NR3C1: variants seen among roughly 807,000 people sequenced by gnomAD.
NR3C1 encodes the protein glucocorticoid receptor.
In NR3C1, 14 loss-of-function variants were observed where a neutral mutation model predicts 74.0. That is an observed-to-expected ratio of 0.19 (90% CI 0.12 to 0.30). NR3C1 has a LOEUF of 0.30. Ranked by LOEUF, NR3C1 falls within the 10% of genes least tolerant of loss-of-function variation. The pLI, the probability that NR3C1 is intolerant of heterozygous loss-of-function variation, is 1.00. For synonymous variants in NR3C1, 308 were observed against 332.5 expected (o/e 0.93, Z 0.80); for missense variants, 695 against 909.8 (o/e 0.76, Z 3.04).
chr5:143,407,607 AAATG>A (rs926193558), upstream of NR3C1, among the ~76,000 whole-genome samples: 4 of 152,368 alleles, frequency 2.6e-5, no homozygotes, highest in African/African-American at 9.6e-5. Flanking sequence ...GGTGTTGGTT[AAATG>A]AATGAATGAA....
At chr5:143,293,038 C>A (rs189578464) in intron 7 of NR3C1, among the ~76,000 whole-genome samples, 1 of 152,178 alleles carries the variant, frequency 6.6e-6, no homozygotes, top group Non-Finnish European at 1.5e-5. Context: ...CAATTGTATT[C>A]TTCTGCTTTT....
At chr5:143,395,130 C>G (rs1305999189) in intron 2 of NR3C1, among the ~76,000 whole-genome samples, 1 of 151,802 alleles carries the variant, frequency 6.6e-6, no homozygotes, top group Non-Finnish European at 1.5e-5. Context: ...CAAGTCACAC[C>G]CTAATCTAGT....
At chr5:143,340,441 C>T (rs1195210184) in intron 2 of NR3C1, among the ~76,000 whole-genome samples, 1 of 149,500 alleles carries the variant, frequency 6.7e-6, no homozygotes, top group Non-Finnish European at 1.5e-5. Context: ...TTGGCCCTGC[C>T]TTCTGGGGAA....
At chr5:143,406,323 C>A (rs950383255), upstream of NR3C1, among the ~76,000 whole-genome samples, 1 of 151,200 alleles carries the variant, frequency 6.6e-6, no homozygotes, top group African/African-American at 2.4e-5. Context: ...CCCAATTATT[C>A]TCCCTTCATT....
chr5:143,405,478 A>G (rs1033378190), upstream of NR3C1, among the ~76,000 whole-genome samples: 1 of 152,132 alleles, frequency 6.6e-6, no homozygotes, highest in East Asian at 1.9e-4. Context: ...ATCTTGGCAA[A>G]GGTTCGCGAT....
chr5:143,416,719 A>G (rs972019680), intron 1 of NR3C1, among the ~76,000 whole-genome samples: 6 of 152,198 alleles, frequency 3.9e-5, no homozygotes, highest in African/African-American at 1.4e-4. Context: ...GGTTAAGGTT[A>G]CCAGACATGG....
At chr5:143,392,338 A>G (rs1406644858) in intron 2 of NR3C1, among the ~76,000 whole-genome samples, 1 of 152,230 alleles carries the variant, frequency 6.6e-6, no homozygotes, top group Non-Finnish European at 1.5e-5. Context: ...ACTATTTTAC[A>G]GAAATTGAAA....
intron 4 of NR3C1, among the ~76,000 whole-genome samples, chr5:143,309,403 C>T (rs951963716): frequency 4.6e-5 from 7 of 152,124 alleles, no homozygotes; most frequent in African/African-American, 7.2e-5. Flanking sequence ...TGGAGTTGAA[C>T]GTTTCTTTTG....
At chr5:143,335,928 T>C (rs1214407725) in intron 2 of NR3C1, among the ~76,000 whole-genome samples, 1 of 152,214 alleles carries the variant, frequency 6.6e-6, no homozygotes, top group Non-Finnish European at 1.5e-5. Flanking sequence ...TGCCTCTCCT[T>C]ACCTGCTCCA....
At chr5:143,283,616 G>T (rs935434243) in intron 7 of NR3C1, among the ~76,000 whole-genome samples, 1 of 152,162 alleles carries the variant, frequency 6.6e-6, no homozygotes, top group Admixed American at 6.5e-5. Flanking sequence ...GTAGCTAATA[G>T]ATATGTCTTA....
chr5:143,385,007 G>A (rs576889266), intron 2 of NR3C1, among the ~76,000 whole-genome samples: 1 of 152,330 alleles, frequency 6.6e-6, no homozygotes, highest in African/African-American at 2.4e-5. Context: ...TGAAATCAAG[G>A]CAGAGGCTTT....
chr5:143,408,875 C>A (rs923292687), intron 1 of NR3C1: 1 of 152,186 alleles, frequency 6.6e-6, no homozygotes, highest in Non-Finnish European at 1.5e-5. Context: ...TGCCCCCACA[C>A]CAGTCTTTTA....
At chr5:143,290,843 T>G (rs1719440033) in intron 7 of NR3C1, among the ~76,000 whole-genome samples, 2 of 150,080 alleles carry the variant, frequency 1.3e-5, no homozygotes, top group Admixed American at 6.6e-5. Flanking sequence ...ATTATAGGTG[T>G]GAGCCACTAC....
Position 143,360,341 on chromosome 5 carries a change from TG to T in NR3C1, c.1184+39314del, listed in dbSNP as rs1831992582. Among the ~76,000 whole-genome samples, 3 of 152,258 alleles carry T rather than the reference TG, an allele frequency of 2.0e-5. No homozygotes were observed. The South Asian group carries it at 6.2e-4, about 31-fold the overall frequency. On this transcript the variant is annotated intron_variant, in intron 2 of 8. Coordinates refer to ENST00000394464, the MANE Select transcript of NR3C1 (RefSeq NM_000176.3). ...GTTTTAAACTATGTTTACATTTTTC[TG>T]TGACTTTCTGTGCTATCAAGCTTTT...
chr5:143,368,534 T>TACACACAC (rs201482184), intron 2 of NR3C1, among the ~76,000 whole-genome samples: 200 of 145,046 alleles, frequency 1.4e-3, no homozygotes, highest in Middle Eastern at 7.1e-3. Context: ...ATATTCTAGA[T>TACACACAC]ACACACACAC....
At chr5:143,422,640 G>A (rs1376258846) in intron 1 of NR3C1, among the ~76,000 whole-genome samples, 1 of 152,174 alleles carries the variant, frequency 6.6e-6, no homozygotes, top group Non-Finnish European at 1.5e-5. Flanking sequence ...AAGAAGAGAA[G>A]ATGGCTGTCC....
chr5:143,422,997 T>C (rs1751317573), intron 1 of NR3C1, among the ~76,000 whole-genome samples: 1 of 152,216 alleles, frequency 6.6e-6, no homozygotes, highest in African/African-American at 2.4e-5. Flanking sequence ...GTTTCATACT[T>C]GCAGGCCTTC....
chr5:143,350,594 T>C (rs1830060662), intron 2 of NR3C1, among the ~76,000 whole-genome samples: 3 of 152,108 alleles, frequency 2.0e-5, no homozygotes, highest in South Asian at 2.1e-4. Flanking sequence ...AGTTAGATAG[T>C]TGGAAATATG....
intron 2 of NR3C1, among the ~76,000 whole-genome samples, chr5:143,345,700 C>T (rs894286559): frequency 1.3e-5 from 2 of 152,168 alleles, no homozygotes; most frequent in Non-Finnish European, 1.5e-5. Flanking sequence ...TCCACCATCA[C>T]TATGATCACT....
Sources: allele counts gnomAD v4.1 joint callset (sites outside exome capture counted in the v4.1 genomes callset), GRCh38; gene constraint gnomAD v4.1.1; transcripts MANE v1.5; gene names NCBI Gene and HGNC (gene_info 2026-07-23, HGNC 2026-07-21).